TSHZ1: variants seen among roughly 807,000 people sequenced by gnomAD.
TSHZ1 encodes the protein teashirt zinc finger homeobox 1, also known as teashirt homolog 1.
In TSHZ1, 12 loss-of-function variants were observed where a neutral mutation model predicts 67.1. The observed-to-expected ratio is 0.18, with a 90% CI of 0.11 to 0.29. TSHZ1 has a LOEUF of 0.29. TSHZ1 is among the 10% of genes least tolerant of loss of function. The pLI is 1.00. For missense variants in TSHZ1, 1,305 were observed against 1,413.9 expected, an observed-to-expected ratio of 0.92 and a Z score of 1.23; for synonymous variants, 632 against 622.4, an observed-to-expected ratio of 1.02 and a Z score of -0.23.
At chr18:75,236,306 C>T (rs2122543329) in intron 1 of TSHZ1, among the ~76,000 whole-genome samples, 1 of 152,128 alleles carries the variant, frequency 6.6e-6, no homozygotes, top group East Asian at 1.9e-4. Flanking sequence ...CCAATTCTAA[C>T]AGGTTCCCCT....
rs942780673 is a variant in TSHZ1, at chr18:75,254,882, A to C, written c.41-30566A>C. Among the ~76,000 whole-genome samples the C allele has an allele frequency of 5.4e-4, 82 of 152,210 alleles. 5 individuals are homozygous for C. The highest frequency in any genetic ancestry group is 1.5e-5 in the Non-Finnish European group (1 of 68,038). ...TTTTATGTAGATTTTTCCAGTGCTT[A>C]AACATTTTTATAAAATTCTGTTTAA... On this transcript the variant is annotated intron_variant, in intron 1 of 1. Transcript: ENST00000580243.
intron 1 of TSHZ1, among the ~76,000 whole-genome samples, chr18:75,266,604 A>T (rs1184822307): frequency 6.6e-6 from 1 of 152,216 alleles, no homozygotes; most frequent in African/African-American, 2.4e-5. Flanking sequence ...AAACATAAGG[A>T]TGTCTTTTGA....
intron 1 of TSHZ1, among the ~76,000 whole-genome samples, chr18:75,256,502 C>T (rs2023363393): frequency 1.3e-5 from 2 of 152,136 alleles, no homozygotes; most frequent in South Asian, 2.1e-4. Flanking sequence ...CTGGATAGTT[C>T]CACCTTCTCC....
chr18:75,238,028 G>T lies in TSHZ1; in HGVS notation c.40+26112G>T, dbSNP rs569461843. Among the ~76,000 whole-genome samples, 34 of 152,122 alleles carry T rather than the reference G, an allele frequency of 2.2e-4. 1 individual carries two copies. The highest frequency in any genetic ancestry group is 8.3e-4 in the South Asian group (4 of 4,820). ...GGTTTCTCCATGTTGGTCAGGCTGG[G>T]CACCTCAGGTGATCCGCCCACCTTG... On this transcript the variant is annotated intron_variant, in intron 1 of 1. Transcript: ENST00000580243.
intron 1 of TSHZ1, among the ~76,000 whole-genome samples, chr18:75,239,574 C>T (rs138826486): frequency 1.1e-3 from 169 of 152,296 alleles, no homozygotes; most frequent in African/African-American, 3.0e-3. Context: ...AATCATCGCT[C>T]ACTGCAGCCT....
intron 1 of TSHZ1, among the ~76,000 whole-genome samples, chr18:75,257,178 T>C (rs1290171622): frequency 6.6e-6 from 1 of 152,198 alleles, no homozygotes; most frequent in East Asian, 1.9e-4. Flanking sequence ...GGGGGATCAT[T>C]AATGAACTAA....
At chr18:75,237,791 C>CTTTTATTTATTTATTTATTTATTTATTT (rs150217532) in intron 1 of TSHZ1, among the ~76,000 whole-genome samples, 1 of 143,500 alleles carries the variant, frequency 7.0e-6, no homozygotes, top group Non-Finnish European at 1.5e-5. Flanking sequence ...TTCTTTCTTT[C>CTTTTATTTATTTATTTATTTATTTATTT]ATTTATTTAT....
chr18:75,227,835 C>T, intron 1 of TSHZ1, among the ~76,000 whole-genome samples: 1 of 152,188 alleles, frequency 6.6e-6, no homozygotes, highest in East Asian at 1.9e-4. Context: ...CATTTTTCTG[C>T]ATAAGGCTAA....
rs573082315 is a variant in TSHZ1 at position 75,287,762 on chromosome 18, G to T, written c.2355G>T (p.Pro785=). 1.2e-6 allele frequency: 2 copies of T among 1,614,134 alleles called. No individual in the cohort carries two copies. Among genetic ancestry groups the T allele is most frequent in the East Asian group, 4.5e-5 (2 of 44,878 alleles). ...TCAGCAACAGCATGCTGGACAAGCC[G>T]GTGTACCCCGCCACCCCTGTGAAGC... ...YKISNSMLDK[P]VYPATPVKQA... The change falls in exon 2 of 2, where the codon CCG becomes CCT. Residue 785 remains proline (P), a synonymous_variant. Coordinates refer to ENST00000580243, the MANE Select transcript of TSHZ1 (RefSeq NM_001308210.2). The surrounding 1 kb of genome is among the most constrained non-coding windows in gnomAD (Gnocchi z 5.0).
intron 1 of TSHZ1, among the ~76,000 whole-genome samples, chr18:75,245,867 T>C (rs181293128): frequency 1.1e-4 from 16 of 152,294 alleles, no homozygotes; most frequent in African/African-American, 3.8e-4. Flanking sequence ...CCACTCTATG[T>C]ACCATAACAG....
chr18:75,259,263 G>A (rs774874251), intron 1 of TSHZ1, among the ~76,000 whole-genome samples: 2 of 152,156 alleles, frequency 1.3e-5, no homozygotes, highest in African/African-American at 2.4e-5. Context: ...AGGTGTGGCC[G>A]GCCCATGTGA....
At chr18:75,218,525 G>A (rs756360303) in intron 1 of TSHZ1, among the ~76,000 whole-genome samples, 2 of 152,212 alleles carry the variant, frequency 1.3e-5, no homozygotes, top group African/African-American at 2.4e-5. Flanking sequence ...GAGAGGCCAG[G>A]TCTAGAACAA....
At chr18:75,250,066 G>C (rs959416603) in intron 1 of TSHZ1, among the ~76,000 whole-genome samples, 2 of 148,942 alleles carry the variant, frequency 1.3e-5, no homozygotes, top group Non-Finnish European at 3.0e-5. Flanking sequence ...GGGGGTGGGG[G>C]TGACTTCCTC....
intron 1 of TSHZ1, among the ~76,000 whole-genome samples, chr18:75,257,619 G>GAA (rs1010552671): frequency 6.9e-6 from 1 of 144,334 alleles, no homozygotes; most frequent in Non-Finnish European, 1.5e-5. Context: ...TTCGTAGACA[G>GAA]AAAAAAAAAA....
intron 1 of TSHZ1, among the ~76,000 whole-genome samples, chr18:75,237,767 A>T (rs2023093639): frequency 6.7e-6 from 1 of 149,850 alleles, no homozygotes; most frequent in Admixed American, 6.7e-5. Flanking sequence ...TCATTTATGA[A>T]TTAGACTGAA....
intron 1 of TSHZ1, among the ~76,000 whole-genome samples, chr18:75,248,376 T>G (rs897128281): frequency 6.6e-6 from 1 of 152,210 alleles, no homozygotes; most frequent in Non-Finnish European, 1.5e-5. Flanking sequence ...CACCCTCAGG[T>G]TCATCTGGAA....
Position 75,254,601 on chromosome 18 carries a change from G to A in TSHZ1, c.41-30847G>A, listed in dbSNP as rs576786837. Among the ~76,000 whole-genome samples the A allele has an allele frequency of 2.6e-5, 4 of 152,230 alleles. No homozygotes were observed. The South Asian group carries it at 6.2e-4, about 24-fold the overall frequency. ...ACAGCAAATTAAAAGTAGTAAATTG[G>A]GAGTGGGAAAAGACACACAGATAAC... On this transcript the variant is annotated intron_variant, in intron 1 of 1. Coordinates refer to ENST00000580243, the MANE Select transcript of TSHZ1 (RefSeq NM_001308210.2).
chr18:75,212,319 T>G (rs539460234), intron 1 of TSHZ1, among the ~76,000 whole-genome samples: 1 of 152,092 alleles, frequency 6.6e-6, no homozygotes, highest in East Asian at 1.9e-4. Context: ...GAAAACAAGG[T>G]CACCAGGCTG....
intron 1 of TSHZ1, among the ~76,000 whole-genome samples, chr18:75,276,500 C>A (rs2023614989): frequency 6.6e-6 from 1 of 152,154 alleles, no homozygotes; most frequent in Non-Finnish European, 1.5e-5. Flanking sequence ...TAACTTTCAT[C>A]AAAACCACCT....
Sources: gnomAD v4.1 joint callset for allele counts (sites outside exome capture counted in the v4.1 genomes callset) on GRCh38, gnomAD v4.1.1 for gene constraint, Gnocchi (gnomAD v3.1) non-coding constraint, MANE v1.5 for transcripts, NCBI Gene and HGNC (gene_info 2026-07-23, HGNC 2026-07-21) for gene names.